The following ZUP1 variants were observed in gnomAD, a reference collection of about 807,000 sequenced individuals.
ZUP1 encodes the protein zinc finger containing ubiquitin peptidase 1.
A neutral mutation model predicts 68.1 loss-of-function variants in ZUP1; 55 were observed. The observed-to-expected ratio is 0.81, with a 90% CI of 0.65 to 1.01. ZUP1 has a LOEUF of 1.01. Among genes scored for constraint, ZUP1 ranks in the 50% least tolerant of loss-of-function variants. ZUP1 has a pLI of 0.00. For synonymous variants in ZUP1, 223 were observed against 221.5 expected (o/e 1.01, Z -0.06); for missense variants, 684 against 674.9 (o/e 1.01, Z -0.15).
rs1424123337 is a variant in ZUP1 at position 116,657,102 on chromosome 6, G to C, written c.793-250C>G. On this transcript the variant is annotated intron_variant, in intron 4 of 9. Transcript: ENST00000368576. The stretch of plus-strand genomic sequence containing the variant: ...GGGCAAGAGACTTGCTTTTCCTGTA[G>C]TAGGGAAAGCAGAGGATCCTGTCTT... Among the ~76,000 whole-genome samples, 8 of 152,080 alleles carry C rather than the reference G, an allele frequency of 5.3e-5. No individual in the cohort carries two copies. The South Asian group carries it at 1.4e-3, about 28-fold the overall frequency.
chr6:116,644,022 G>A (rs1776207959), intron 9 of ZUP1, among the ~76,000 whole-genome samples: 1 of 152,038 alleles, frequency 6.6e-6, no homozygotes, highest in African/African-American at 2.4e-5. Flanking sequence ...TGAAAAAGTG[G>A]GCAAACGATA....
At chr6:116,639,552 C>T (rs1474136834) in intron 9 of ZUP1, among the ~76,000 whole-genome samples, 1 of 152,194 alleles carries the variant, frequency 6.6e-6, no homozygotes, top group African/African-American at 2.4e-5. Flanking sequence ...TGTTCTGCAG[C>T]CACTGCTACT....
At chr6:116,647,145 C>A (rs757836020) in intron 8 of ZUP1, among the ~76,000 whole-genome samples, 3 of 152,000 alleles carry the variant, frequency 2.0e-5, no homozygotes, top group Admixed American at 1.3e-4. Flanking sequence ...TCATAATACT[C>A]CCTGCTATTA....
In ZUP1 at chr6:116,666,740, G is replaced by A. The variant is rs763201110; in HGVS notation, c.453C>T (p.Tyr151=). 6.2e-6 allele frequency: 10 copies of A among 1,613,904 alleles called. No homozygotes were observed. Among genetic ancestry groups the A allele is most frequent in the Non-Finnish European group, 8.5e-6 (10 of 1,179,918 alleles). ...CACAGAATGGACATTCAGGAGGACT[G>A]TATGTTGTTTCATAAACAGATCCTT... is the stretch of plus-strand genomic sequence containing the variant. The part of the protein sequence containing the change: ...EIKGSVYETT[Y]SPPECPFCGK... Residue 151 remains tyrosine (Y), a synonymous_variant, in exon 2 of 10, where the codon TAC becomes TAT. Coordinates refer to ENST00000368576, the MANE Select transcript of ZUP1 (RefSeq NM_145062.3).
intron 5 of ZUP1, among the ~76,000 whole-genome samples, chr6:116,654,837 A>T (rs1465798630): frequency 3.3e-5 from 5 of 152,052 alleles, no homozygotes; most frequent in African/African-American, 1.2e-4. Flanking sequence ...GTATCATCTC[A>T]TAACCTGTTA....
intron 4 of ZUP1, 105 bp downstream of exon 4, chr6:116,658,698 A>C (rs1432827100): frequency 9.8e-6 from 11 of 1,121,648 alleles, no homozygotes; most frequent in Admixed American, 2.9e-5. Flanking sequence ...AACATGTATA[A>C]ATTTTTTTTG....
chr6:116,664,307 G>A (rs2114293702), intron 2 of ZUP1, among the ~76,000 whole-genome samples: 1 of 147,242 alleles, frequency 6.8e-6, no homozygotes, highest in South Asian at 2.1e-4. Flanking sequence ...GGTGGGCAGT[G>A]GTAATCCCAG....
intron 2 of ZUP1, among the ~76,000 whole-genome samples, chr6:116,663,923 G>A (rs1443581563): frequency 6.6e-6 from 1 of 151,922 alleles, no homozygotes; most frequent in Non-Finnish European, 1.5e-5. Context: ...CTCCAGCCTG[G>A]GTGACATAGT....
chr6:116,640,601 G>A (rs1776065908), intron 9 of ZUP1, among the ~76,000 whole-genome samples: 1 of 151,978 alleles, frequency 6.6e-6, no homozygotes, highest in African/African-American at 2.4e-5. Flanking sequence ...CTTCACAAGT[G>A]AAGGAGAAAT....
At chr6:116,641,910 T>C (rs1404883085) in intron 9 of ZUP1, among the ~76,000 whole-genome samples, 1 of 152,150 alleles carries the variant, frequency 6.6e-6, no homozygotes, top group Non-Finnish European at 1.5e-5. Context: ...AGCCGGTTTT[T>C]TGAAAGGATC....
chr6:116,657,908 C>A (rs1244499410), intron 4 of ZUP1, among the ~76,000 whole-genome samples: 1 of 152,080 alleles, frequency 6.6e-6, no homozygotes, highest in Non-Finnish European at 1.5e-5. Flanking sequence ...TTGGCCAACA[C>A]GGTGAAACCC....
intron 2 of ZUP1, among the ~76,000 whole-genome samples, chr6:116,664,386 G>A (rs921858316): frequency 1.3e-5 from 2 of 150,330 alleles, no homozygotes; most frequent in African/African-American, 2.5e-5. Context: ...AGCAGAGATC[G>A]TGCCATTACA....
chr6:116,652,422 G>A (rs979064128), intron 5 of ZUP1, among the ~76,000 whole-genome samples: 1 of 152,038 alleles, frequency 6.6e-6, no homozygotes, highest in African/African-American at 2.4e-5. Flanking sequence ...TTCTGCATCT[G>A]CAGGGCCCAG....
chr6:116,664,445 C>T (rs1302628951), intron 2 of ZUP1, among the ~76,000 whole-genome samples: 1 of 149,338 alleles, frequency 6.7e-6, no homozygotes, highest in Non-Finnish European at 1.5e-5. Flanking sequence ...AAAAAAAACA[C>T]ACACACACAA....
At chr6:116,655,624 T>C (rs1413631353) in intron 5 of ZUP1, among the ~76,000 whole-genome samples, 1 of 152,124 alleles carries the variant, frequency 6.6e-6, no homozygotes, top group African/African-American at 2.4e-5. Context: ...TACTAATATA[T>C]ACAAAGAAAA....
At chr6:116,649,511 CAG>C (rs1771738999) in intron 7 of ZUP1, among the ~76,000 whole-genome samples, 2 of 151,784 alleles carry the variant, frequency 1.3e-5, no homozygotes, top group Admixed American at 1.3e-4. Context: ...GTTTCAAAAT[CAG>C]AGAGAGGCTG....
chr6:116,643,673 A>C (rs1341930031), intron 9 of ZUP1, among the ~76,000 whole-genome samples: 3 of 152,230 alleles, frequency 2.0e-5, no homozygotes, highest in African/African-American at 7.2e-5. Flanking sequence ...CTTACACCTT[A>C]TACAAAAATT....
At chr6:116,648,149 G>T (rs1776371439) in intron 7 of ZUP1, among the ~76,000 whole-genome samples, 1 of 152,106 alleles carries the variant, frequency 6.6e-6, no homozygotes, top group Non-Finnish European at 1.5e-5. Flanking sequence ...AAATGTGTGT[G>T]TACTCAATCT....
In ZUP1 at chr6:116,666,965, C is replaced by G; in HGVS notation, c.228G>C (p.Lys76Asn). The change falls in exon 2 of 10, where the codon AAG becomes AAC. Residue 76 changes from lysine (K) to asparagine (N), a missense_variant. Physicochemically the swap from Lys to Asn is moderately conservative, Grantham distance 94. Transcript: ENST00000368576. Reference sequence around the variant, plus strand: ...TTCCACACTGTAGGGTGTTGTCTTTCTTGTTATCTGAAGTTCCATATTGTA... The same window carrying G: ...TTCCACACTGTAGGGTGTTGTCTTTGTTGTTATCTGAAGTTCCATATTGTA... The part of the protein sequence containing the change: ...NTVQYGTSDN[K>N]KDNTLQCGME... The G allele has an allele frequency of 6.2e-7, 1 of 1,613,374 alleles. No homozygotes were observed. Among genetic ancestry groups the G allele is most frequent in the South Asian group, 1.1e-5 (1 of 90,996 alleles).
Sources: allele counts gnomAD v4.1 joint callset (sites outside exome capture counted in the v4.1 genomes callset), GRCh38; gene constraint gnomAD v4.1.1; transcripts MANE v1.5; gene names NCBI Gene and HGNC (gene_info 2026-07-23, HGNC 2026-07-21).